MXD4: variants seen among roughly 807,000 people sequenced by gnomAD.
MXD4 encodes the protein Mad4 homolog.
MXD4 carries 16 observed loss-of-function variants against 24.5 expected under a neutral mutation model. The observed-to-expected ratio is 0.65, with a 90% CI of 0.44 to 0.99. The LOEUF (loss-of-function observed/expected upper bound fraction) is 0.99, where lower values mean the gene tolerates loss of function less well. Among genes scored for constraint, MXD4 ranks in the 50% least tolerant of loss-of-function variants. MXD4 has a pLI of 0.00. For missense variants in MXD4, 301 were observed against 301.5 expected, an observed-to-expected ratio of 1.00 and a Z score of 0.01; for synonymous variants, 164 against 134.2, an observed-to-expected ratio of 1.22 and a Z score of -1.54.
intron 2 of MXD4, among the ~76,000 whole-genome samples, chr4:2,260,136 G>A (rs548164546): frequency 3.3e-5 from 5 of 152,312 alleles, no homozygotes; most frequent in Admixed American, 2.0e-4. Flanking sequence ...CTCAGGCCCC[G>A]GGGGAGCGGG....
chr4:2,259,445 C>T (rs771875183), intron 2 of MXD4, among the ~76,000 whole-genome samples: 1 of 152,236 alleles, frequency 6.6e-6, no homozygotes, highest in African/African-American at 2.4e-5. Flanking sequence ...TAGGCCCCTA[C>T]GCCAGCGTTT....
intron 4 of MXD4, 48 bp from the exon 5 acceptor site, chr4:2,251,294 C>T (rs975054664): frequency 5.3e-6 from 8 of 1,507,808 alleles, no homozygotes; most frequent in Admixed American, 2.0e-5. Flanking sequence ...AGGAGTCCCC[C>T]CATCCCCCTG....
chr4:2,258,774 G>T (rs1735480895), intron 2 of MXD4: 11 of 400,320 alleles, frequency 2.7e-5, no homozygotes, highest in South Asian at 2.0e-4. Flanking sequence ...GGCACAGGGG[G>T]ACACTGAGGC....
Position 2,248,780 on chromosome 4 carries a change from T to TA in MXD4, c.*1763dup, listed in dbSNP as rs755879387. ...GGGCGTCTATGCGTACGACTGAAAA[T>TA]AGACACGAATTTTCCCCATGATATG... On this transcript the variant is annotated 3_prime_UTR_variant, in exon 6 of 6. Transcript: ENST00000337190. 6.6e-6 allele frequency: 1 copy of TA among 152,134 alleles called. No individual in the cohort carries two copies. Among genetic ancestry groups the TA allele is most frequent in the Non-Finnish European group, 1.5e-5 (1 of 68,050 alleles). 9.4% of individuals were successfully genotyped at this position (152,134 alleles called of 1,614,324 possible).
intron 3 of MXD4, 107 bp from the exon 4 acceptor site, chr4:2,252,629 C>CT: frequency 7.0e-6 from 5 of 718,532 alleles, no homozygotes; most frequent in Non-Finnish European, 9.2e-6. Flanking sequence ...TGCACATGTG[C>CT]TGAGGGTCCC....
intron 3 of MXD4, 150 bp downstream of exon 3, chr4:2,257,832 C>T (rs1439533294): frequency 3.9e-6 from 4 of 1,038,832 alleles, no homozygotes; most frequent in Non-Finnish European, 5.7e-6. Context: ...CAGCCTTCTC[C>T]TCCAAGTCTG....
At chr4:2,257,897 A>G in intron 3 of MXD4, 85 bp downstream of exon 3, 2 of 1,555,574 alleles carry the variant, frequency 1.3e-6, no homozygotes, top group Non-Finnish European at 1.8e-6. Flanking sequence ...TGCCCGGGAC[A>G]GGGGCAGGCT....
At chr4:2,254,805 C>T (rs576351568) in intron 3 of MXD4, 9 of 159,694 alleles carry the variant, frequency 5.6e-5, no homozygotes, top group Middle Eastern at 3.3e-3. Context: ...TTGCACCCTC[C>T]GACAGGCTGA....
rs1411462763 is a variant in MXD4 at position 2,247,780 on chromosome 4, G to A, written c.*2764C>T. ...CCCTAGGGCCACAGACCGGTACAGG[G>A]TTCCACCACCCGGGGACACAGGCCC... is the stretch of plus-strand genomic sequence containing the variant. On this transcript the variant is annotated 3_prime_UTR_variant, in exon 6 of 6. Coordinates refer to ENST00000337190, the MANE Select transcript of MXD4 (RefSeq NM_006454.3). 6.6e-6 allele frequency: 1 copy of A among 152,522 alleles called. No homozygotes were observed. Among genetic ancestry groups the A allele is most frequent in the African/African-American group, 2.4e-5 (1 of 41,476 alleles). 9.4% of individuals were successfully genotyped at this position (152,522 alleles called of 1,614,324 possible).
chr4:2,252,398 G>T lies in MXD4; in HGVS notation c.309+10C>A, dbSNP rs1735341294. 1.2e-5 allele frequency: 20 copies of T among 1,605,710 alleles called. No individual in the cohort carries two copies. The highest frequency in any genetic ancestry group is 1.7e-5 in the Admixed American group (1 of 59,998). Reference sequence around the variant, plus strand: ...CAGACAGGGCAGGGTGGAGAGCAAGGCCCACTCACCTTGATGTGCACCTTG... The same window carrying T: ...CAGACAGGGCAGGGTGGAGAGCAAGTCCCACTCACCTTGATGTGCACCTTG... On this transcript the variant is annotated intron_variant, in intron 4 of 5. Transcript: ENST00000337190.
chr4:2,258,034 A>T (rs1490638876), intron 2 of MXD4, 23 bp from the exon 3 acceptor site: 1 of 1,613,476 alleles, frequency 6.2e-7, no homozygotes, highest in South Asian at 1.1e-5. Context: ...ACAGAAAGAC[A>T]GAGCTCACTC....
chr4:2,255,072 G>A (rs1735398568), intron 3 of MXD4: 2 of 354,482 alleles, frequency 5.6e-6, no homozygotes, highest in Non-Finnish European at 1.1e-5. Flanking sequence ...AAAGAACGCT[G>A]GTGGCACAGC....
chr4:2,258,069 A>C (rs1735466700), intron 2 of MXD4, 58 bp from the exon 3 acceptor site: 1 of 1,606,586 alleles, frequency 6.2e-7, no homozygotes, highest in Admixed American at 1.7e-5. Flanking sequence ...CAGGGCACAG[A>C]GAGCAGTGCT....
chr4:2,252,333 G>T (rs1164093373), intron 4 of MXD4, 75 bp downstream of exon 4: 3 of 1,250,958 alleles, frequency 2.4e-6, no homozygotes, highest in African/African-American at 2.9e-5. Context: ...AGGGTCACCT[G>T]TGAGCACCCC....
Position 2,261,026 on chromosome 4 carries a change from G to A in MXD4, c.164+699C>T, listed in dbSNP as rs189332334. On this transcript the variant is annotated intron_variant, in intron 2 of 5. Coordinates refer to ENST00000337190, the MANE Select transcript of MXD4 (RefSeq NM_006454.3). Reference sequence around the variant, plus strand: ...GGTATGGAGGGCGCAGCTGGCACCCGTAGTAACGACTTCATGGGGCCCCTG... The same window carrying A: ...GGTATGGAGGGCGCAGCTGGCACCCATAGTAACGACTTCATGGGGCCCCTG... Among the ~76,000 whole-genome samples, 612 of 152,334 alleles carry A rather than the reference G, an allele frequency of 4.0e-3. 4 individuals carry two copies. The highest frequency in any genetic ancestry group is 0.014 in the African/African-American group (578 of 41,586).
chr4:2,257,915 C>A (rs1432753302), intron 3 of MXD4, 67 bp downstream of exon 3: 12 of 1,600,768 alleles, frequency 7.5e-6, no homozygotes, highest in Non-Finnish European at 9.4e-6. Flanking sequence ...GCTCAACGCA[C>A]CACACACCCT....
At position 2,248,076 on chromosome 4, in the gene MXD4, CT is replaced by C. The variant is rs1735233642; in HGVS notation, c.*2467del. On this transcript the variant is annotated 3_prime_UTR_variant, in exon 6 of 6. Coordinates refer to ENST00000337190, the MANE Select transcript of MXD4 (RefSeq NM_006454.3). ...TGCTCTCTATAGACACGGTGATGGCCTCTTGGTCCCTGCAGCCTCCAGTGAT... is the reference window on the plus strand; with the variant it reads ...TGCTCTCTATAGACACGGTGATGGCCCTTGGTCCCTGCAGCCTCCAGTGAT... 3 of 152,630 alleles carry C rather than the reference CT, an allele frequency of 2.0e-5. No homozygotes were observed. The highest frequency in any genetic ancestry group is 6.5e-5 in the Admixed American group (1 of 15,294). 9.5% of individuals were successfully genotyped at this position (152,630 alleles called of 1,614,324 possible).
chr4:2,254,500 A>C (rs397832518), intron 3 of MXD4: 1 of 152,202 alleles, frequency 6.6e-6, no homozygotes, highest in Non-Finnish European at 1.5e-5. Flanking sequence ...TTAAAAAAAA[A>C]CACACACAGA....
intron 4 of MXD4, among the ~76,000 whole-genome samples, chr4:2,251,692 C>T (rs1212275358): frequency 6.6e-6 from 1 of 152,252 alleles, no homozygotes; most frequent in Non-Finnish European, 1.5e-5. Context: ...ACACCTGTGC[C>T]CTGCCCTCTC....
Sources: gnomAD v4.1 joint callset for allele counts (sites outside exome capture counted in the v4.1 genomes callset) on GRCh38, gnomAD v4.1.1 for gene constraint, MANE v1.5 for transcripts, NCBI Gene and HGNC (gene_info 2026-07-23, HGNC 2026-07-21) for gene names.